SGCZ: variants seen among roughly 807,000 people sequenced by gnomAD.
The protein encoded by SGCZ is zeta-sarcoglycan.
In SGCZ, 40 loss-of-function variants were observed where a neutral mutation model predicts 41.3. That is an observed-to-expected ratio of 0.97 (90% CI 0.75 to 1.26). The LOEUF (loss-of-function observed/expected upper bound fraction) is 1.26. SGCZ is among the 50% of genes most tolerant of loss of function. The pLI, the probability that SGCZ is intolerant of heterozygous loss-of-function variation, is 0.00. For synonymous variants in SGCZ, 206 were observed against 137.5 expected (o/e 1.50, Z -3.49); for missense variants, 552 against 369.8 (o/e 1.49, Z -4.04).
At position 14,511,771 on chromosome 8, in the gene SGCZ, T is replaced by C. The variant is rs911856199; in HGVS notation, c.234+42961A>G. ...TATGATTGTATAGCCAAAGTTACTGTAGTTCCCAAATTCCCCACCAACTCT... is the reference window on the plus strand; with the variant it reads ...TATGATTGTATAGCCAAAGTTACTGCAGTTCCCAAATTCCCCACCAACTCT... On this transcript the variant is annotated intron_variant, in intron 2 of 7. Coordinates refer to ENST00000382080, the MANE Select transcript of SGCZ (RefSeq NM_139167.4). Among the ~76,000 whole-genome samples, 9 of 152,130 alleles carry C rather than the reference T, an allele frequency of 5.9e-5. No individual in the cohort carries two copies. The East Asian group carries it at 1.5e-3, about 26-fold the overall frequency.
At chr8:14,284,800 T>A (rs1015159534) in intron 3 of SGCZ, among the ~76,000 whole-genome samples, 1 of 152,212 alleles carries the variant, frequency 6.6e-6, no homozygotes, top group African/African-American at 2.4e-5. Flanking sequence ...GTTGTGTACA[T>A]CTTTACTATT....
At chr8:14,928,608 T>A (rs369868486) in intron 1 of SGCZ, among the ~76,000 whole-genome samples, 6 of 152,316 alleles carry the variant, frequency 3.9e-5, no homozygotes, top group African/African-American at 1.4e-4. Flanking sequence ...ACAATTTTAA[T>A]CTCATTAATT....
intron 3 of SGCZ, among the ~76,000 whole-genome samples, chr8:14,250,029 C>G (rs1799232764): frequency 1.3e-5 from 2 of 152,202 alleles, no homozygotes; most frequent in Non-Finnish European, 2.9e-5. Flanking sequence ...TACAAATCAT[C>G]TGAAGATATT....
At chr8:14,147,841 G>T (rs1803574814) in intron 5 of SGCZ, among the ~76,000 whole-genome samples, 1 of 152,006 alleles carries the variant, frequency 6.6e-6, no homozygotes, top group Non-Finnish European at 1.5e-5. Flanking sequence ...TTAAAAAAAT[G>T]GAAATAATGT....
At chr8:14,173,916 C>A (rs1804465017) in intron 4 of SGCZ, among the ~76,000 whole-genome samples, 1 of 151,940 alleles carries the variant, frequency 6.6e-6, no homozygotes. Flanking sequence ...AACAGACATG[C>A]TAACATACAT....
chr8:14,954,687 G>A (rs1009981941), intron 1 of SGCZ, among the ~76,000 whole-genome samples: 1 of 152,108 alleles, frequency 6.6e-6, no homozygotes, highest in Non-Finnish European at 1.5e-5. Context: ...TCCACAATCT[G>A]TAGGAACCGA....
intron 1 of SGCZ, among the ~76,000 whole-genome samples, chr8:14,939,565 G>C (rs1179672239): frequency 6.6e-6 from 1 of 152,144 alleles, no homozygotes; most frequent in African/African-American, 2.4e-5. Context: ...ACTTAGCACA[G>C]TCGCTTCATC....
chr8:14,902,592 C>T (rs777320868), intron 1 of SGCZ, among the ~76,000 whole-genome samples: 1 of 152,108 alleles, frequency 6.6e-6, no homozygotes, highest in South Asian at 2.1e-4. Flanking sequence ...TTTGTACTCA[C>T]CATAACATGA....
At chr8:14,184,925 T>C (rs1237049804) in intron 4 of SGCZ, among the ~76,000 whole-genome samples, 1 of 152,168 alleles carries the variant, frequency 6.6e-6, no homozygotes, top group African/African-American at 2.4e-5. Context: ...ACACTTATGA[T>C]TGGTATAGCA....
intron 1 of SGCZ, among the ~76,000 whole-genome samples, chr8:14,606,415 C>G (rs528286627): frequency 6.6e-6 from 1 of 152,266 alleles, no homozygotes; most frequent in African/African-American, 2.4e-5. Context: ...GATCTTGGTG[C>G]AAGATCAAAA....
At chr8:14,112,106 G>A (rs116981473) in intron 5 of SGCZ, among the ~76,000 whole-genome samples, 1 of 152,214 alleles carries the variant, frequency 6.6e-6, no homozygotes, top group East Asian at 1.9e-4. Context: ...AAGCACCAGA[G>A]AGAAAGCAAA....
At chr8:14,767,635 G>T (rs767080151) in intron 1 of SGCZ, among the ~76,000 whole-genome samples, 2 of 152,056 alleles carry the variant, frequency 1.3e-5, no homozygotes, top group African/African-American at 2.4e-5. Flanking sequence ...TATTTCAAAC[G>T]AAATTTTATT....
intron 1 of SGCZ, among the ~76,000 whole-genome samples, chr8:14,803,288 G>C (rs1011865852): frequency 2.6e-5 from 4 of 152,122 alleles, no homozygotes; most frequent in Non-Finnish European, 5.9e-5. Flanking sequence ...GCAGAAGACG[G>C]GTGATTTCTG....
chr8:15,192,403 T>G (rs1422798706), intron 1 of SGCZ, among the ~76,000 whole-genome samples: 1 of 152,136 alleles, frequency 6.6e-6, no homozygotes, highest in Admixed American at 6.5e-5. Context: ...AATATAACAG[T>G]TTGTTTCGTT....
intron 1 of SGCZ, among the ~76,000 whole-genome samples, chr8:14,897,377 G>C (rs1047711277): frequency 6.6e-6 from 1 of 152,162 alleles, no homozygotes; most frequent in African/African-American, 2.4e-5. Context: ...CTATTATACT[G>C]AGTATCCCAC....
At chr8:14,625,190 A>T (rs1257472797) in intron 1 of SGCZ, among the ~76,000 whole-genome samples, 1 of 152,176 alleles carries the variant, frequency 6.6e-6, no homozygotes, top group African/African-American at 2.4e-5. Context: ...AAGATAAGTT[A>T]TTCTTATTTT....
intron 2 of SGCZ, among the ~76,000 whole-genome samples, chr8:14,406,257 C>T (rs538088783): frequency 1.3e-5 from 2 of 152,242 alleles, no homozygotes; most frequent in Non-Finnish European, 2.9e-5. Context: ...TCTCATCTCA[C>T]AGAGGCTCCC....
At chr8:14,631,292 TATTA>T (rs771259990) in intron 1 of SGCZ, among the ~76,000 whole-genome samples, 2 of 101,704 alleles carry the variant, frequency 2.0e-5, no homozygotes, top group South Asian at 7.2e-4. Flanking sequence ...ATTCTTTTTT[TATTA>T]TTATTATACT....
intron 1 of SGCZ, among the ~76,000 whole-genome samples, chr8:15,135,322 G>C (rs1007633523): frequency 2.0e-5 from 3 of 152,142 alleles, no homozygotes; most frequent in African/African-American, 7.2e-5. Flanking sequence ...CAGAGTTGCT[G>C]AAATTGGCTC....
Sources: gnomAD v4.1 joint callset for allele counts (sites outside exome capture counted in the v4.1 genomes callset) on GRCh38, gnomAD v4.1.1 for gene constraint, MANE v1.5 for transcripts, NCBI Gene and HGNC (gene_info 2026-07-23, HGNC 2026-07-21) for gene names.